RSPH14: variants seen among roughly 807,000 people sequenced by gnomAD.
RSPH14 encodes rhabdoid tumor deletion region gene 1.
A neutral mutation model predicts 26.7 loss-of-function variants in RSPH14; 20 were observed. That is an observed-to-expected ratio of 0.75 (90% CI 0.53 to 1.09). The LOEUF (loss-of-function observed/expected upper bound fraction) is 1.09, where lower values mean the gene tolerates loss of function less well. RSPH14 is among the 50% of genes least tolerant of loss of function. The pLI is 0.00. For synonymous variants in RSPH14, 177 were observed against 189.3 expected, an observed-to-expected ratio of 0.93 and a Z score of 0.53; for missense variants, 449 against 457.2, an observed-to-expected ratio of 0.98 and a Z score of 0.16.
chr22:23,091,123 C>T (rs1285043020), intron 4 of RSPH14, among the ~76,000 whole-genome samples: 1 of 152,222 alleles, frequency 6.6e-6, no homozygotes, highest in East Asian at 1.9e-4. Context: ...CGCACAACCA[C>T]ATGCAGACAG....
chr22:23,067,871 A>G (rs1038747822), intron 4 of RSPH14, among the ~76,000 whole-genome samples: 17 of 152,158 alleles, frequency 1.1e-4, no homozygotes, highest in African/African-American at 2.4e-5. Context: ...TCAGCCTCAC[A>G]GACTGACTTC....
intron 4 of RSPH14, among the ~76,000 whole-genome samples, chr22:23,067,652 C>T (rs551346497): frequency 2.0e-5 from 3 of 152,330 alleles, no homozygotes; most frequent in South Asian, 2.1e-4. Context: ...GCTCTCTTCC[C>T]GTGCCTCTGG....
At chr22:23,155,463 G>T in the RSPH14 span, among the ~76,000 whole-genome samples, 1 of 152,158 alleles carries the variant, frequency 6.6e-6, no homozygotes, top group Non-Finnish European at 1.5e-5. Context: ...CCCACCTATT[G>T]CTCCAGTGTT....
chr22:23,178,869 G>C, the RSPH14 span, among the ~76,000 whole-genome samples: 3 of 152,242 alleles, frequency 2.0e-5, no homozygotes, highest in Admixed American at 6.5e-5. Context: ...AGCAGGGAGT[G>C]AAACAAAATC....
chr22:23,175,156 C>T, the RSPH14 span, among the ~76,000 whole-genome samples: 3 of 151,812 alleles, frequency 2.0e-5, no homozygotes, highest in African/African-American at 4.8e-5. Flanking sequence ...CCACCACACC[C>T]GGCTAATTTG....
intron 4 of RSPH14, among the ~76,000 whole-genome samples, chr22:23,083,741 G>A (rs899654418): frequency 6.6e-6 from 1 of 152,192 alleles, no homozygotes; most frequent in Admixed American, 6.5e-5. Flanking sequence ...GGACCAGTTT[G>A]TGGGGCATCC....
chr22:23,155,192 A>G, the RSPH14 span, among the ~76,000 whole-genome samples: 1 of 152,208 alleles, frequency 6.6e-6, no homozygotes, highest in Non-Finnish European at 1.5e-5. Context: ...CAGTTTACTG[A>G]GAAAAGTTCA....
At chr22:23,160,693 C>T in the RSPH14 span, among the ~76,000 whole-genome samples, 1 of 152,114 alleles carries the variant, frequency 6.6e-6, no homozygotes, top group South Asian at 2.1e-4. Flanking sequence ...GGACCCTGCC[C>T]CTGGCACTGT....
intron 4 of RSPH14, among the ~76,000 whole-genome samples, chr22:23,125,446 C>A (rs566417382): frequency 2.0e-5 from 3 of 152,238 alleles, no homozygotes; most frequent in Non-Finnish European, 4.4e-5. Context: ...CCTGTGCCCC[C>A]AGTAGTGTAG....
chr22:23,113,815 G>T (rs2069730779), intron 4 of RSPH14, among the ~76,000 whole-genome samples: 1 of 152,246 alleles, frequency 6.6e-6, no homozygotes. Context: ...AGAGGCTCCT[G>T]CCCACCAGGC....
rs1452298926 is a variant in RSPH14, at chr22:23,130,099, GAA to G, written c.421+3925_421+3926del. Among the ~76,000 whole-genome samples the G allele has an allele frequency of 1.3e-3, 83 of 64,728 alleles. 1 individual carries two copies. Among genetic ancestry groups the G allele is most frequent in the African/African-American group, 3.6e-3 (66 of 18,292 alleles). The allele number at this position is 64,728 out of a possible 152,430, so 42.5% of individuals were successfully genotyped here. On this transcript the variant is annotated intron_variant, in intron 4 of 6. Transcript: ENST00000216036. ...AGAAAGAAAGGAAGAAAGAAAGAAA[GAA>G]AGAAAGAAAGAAAGAAAGAAAGAAA...
intron 2 of RSPH14, 107 bp downstream of exon 2, chr22:23,140,115 C>T: frequency 7.0e-7 from 1 of 1,432,372 alleles, no homozygotes; most frequent in East Asian, 2.4e-5. Context: ...TGGAACTGGC[C>T]TGGAGTCAGG....
At chr22:23,165,572 G>A in the RSPH14 span, among the ~76,000 whole-genome samples, 3 of 152,186 alleles carry the variant, frequency 2.0e-5, no homozygotes, top group Non-Finnish European at 4.4e-5. Flanking sequence ...TTGGACTTCG[G>A]GCAGAAAAAT....
chr22:23,111,842 A>G (rs1178448672), intron 4 of RSPH14, among the ~76,000 whole-genome samples: 1 of 152,156 alleles, frequency 6.6e-6, no homozygotes, highest in African/African-American at 2.4e-5. Context: ...CAGTCCTCAG[A>G]TCCCGGTGGC....
chr22:23,109,437 T>G (rs2069580004), intron 4 of RSPH14, among the ~76,000 whole-genome samples: 1 of 152,064 alleles, frequency 6.6e-6, no homozygotes, highest in Non-Finnish European at 1.5e-5. Context: ...GAATCTGAAG[T>G]GAGCCTGGGA....
chr22:23,096,019 T>C, intron 4 of RSPH14: 1 of 1,607,372 alleles, frequency 6.2e-7, no homozygotes, highest in Non-Finnish European at 8.5e-7. Flanking sequence ...TGCAGCTCTT[T>C]GCGCTGACGG....
At chr22:23,123,292 A>T in intron 4 of RSPH14, 1 of 1,613,986 alleles carries the variant, frequency 6.2e-7, no homozygotes, top group Non-Finnish European at 8.5e-7. Context: ...CAGTTTGAAG[A>T]CCTGAACCGC....
In RSPH14 at chr22:23,059,469, T is replaced by C; in HGVS notation, c.1040A>G (p.Lys347Arg). Residue 347 changes from lysine (K) to arginine (R), a missense_variant, in exon 7 of 7, where the codon AAA (lysine) becomes AGA (arginine). Lys to Arg is a conservative substitution (Grantham distance 26). Coordinates refer to ENST00000216036, the MANE Select transcript of RSPH14 (RefSeq NM_014433.3). ...CAGAGGTGAATGAAGGGCTCAGGGTTTGAACTCGATGACACTGATGGCGAT... is the reference window on the plus strand; with the variant it reads ...CAGAGGTGAATGAAGGGCTCAGGGTCTGAACTCGATGACACTGATGGCGAT... ...ARIAISVIEF[K>R]P 6.2e-7 allele frequency: 1 copy of C among 1,605,652 alleles called. No homozygotes were observed. The highest frequency in any genetic ancestry group is 1.1e-5 in the South Asian group (1 of 90,626).
chr22:23,063,825 C>T (rs1007947716), intron 5 of RSPH14, 77 bp downstream of exon 5: 7 of 1,429,164 alleles, frequency 4.9e-6, no homozygotes, highest in Non-Finnish European at 6.8e-6. Flanking sequence ...AGGGTGGCCG[C>T]CCTTGAGCTC....
Sources: allele counts gnomAD v4.1 joint callset (sites outside exome capture counted in the v4.1 genomes callset), GRCh38; gene constraint gnomAD v4.1.1; transcripts MANE v1.5; gene names NCBI Gene and HGNC (gene_info 2026-07-23, HGNC 2026-07-21).